The following IL1RAP variants were observed in gnomAD, a reference collection of about 807,000 sequenced individuals.
IL1RAP encodes interleukin-1 receptor accessory protein.
IL1RAP carries 35 observed loss-of-function variants against 60.7 expected under a neutral mutation model. That is an observed-to-expected ratio of 0.58 (90% CI 0.44 to 0.76). IL1RAP has a LOEUF of 0.76. Among genes scored for constraint, IL1RAP ranks in the 30% least tolerant of loss-of-function variants. The probability of loss-of-function intolerance (pLI) is 0.00; values close to 1 mark genes in which losing one functional copy is unlikely to be tolerated. For missense variants in IL1RAP, 572 were observed against 693.9 expected (o/e 0.82, Z 1.97); for synonymous variants, 268 against 250.9 (o/e 1.07, Z -0.64).
chr3:190,626,366 G>T (rs1420388627), intron 7 of IL1RAP, among the ~76,000 whole-genome samples: 2 of 152,138 alleles, frequency 1.3e-5, no homozygotes, highest in Non-Finnish European at 2.9e-5. Flanking sequence ...TGCTACTGCT[G>T]CTGTTACTAC....
chr3:190,628,869 T>A (rs1024941), intron 8 of IL1RAP, among the ~76,000 whole-genome samples: 136,793 of 152,084 alleles, frequency 0.9, 61,727 homozygotes, highest in East Asian at 1. Flanking sequence ...AATTCCTGAA[T>A]AAATTAATGC....
At chr3:190,621,767 A>G (rs1490239650) in intron 6 of IL1RAP, among the ~76,000 whole-genome samples, 2 of 152,212 alleles carry the variant, frequency 1.3e-5, no homozygotes, top group Non-Finnish European at 2.9e-5. Context: ...TTTTAGAGTT[A>G]TGAAAAATTA....
intron 1 of IL1RAP, chr3:190,554,627 A>C (rs1725239892): frequency 6.6e-6 from 1 of 152,152 alleles, no homozygotes; most frequent in African/African-American, 2.4e-5. Flanking sequence ...TTTTTTGGCC[A>C]TGCAGTCCTT....
chr3:190,648,480 C>T lies in IL1RAP; in HGVS notation c.1488C>T (p.Ile496=). Residue 496 remains isoleucine, a synonymous_variant, in exon 12 of 12, where the codon ATC becomes ATT. Transcript: ENST00000447382. The part of the protein sequence containing the change: ...GLENMASRGN[I]NVILVQYKAV... Reference sequence around the variant, plus strand: ...AAAATATGGCCTCTCGGGGCAACATCAACGTCATTTTAGTACAGTACAAAG... The same window carrying T: ...AAAATATGGCCTCTCGGGGCAACATTAACGTCATTTTAGTACAGTACAAAG... 2 of 1,614,062 alleles carry T rather than the reference C, an allele frequency of 1.2e-6. No individual in the cohort carries two copies. The highest frequency in any genetic ancestry group is 4.5e-5 in the East Asian group (2 of 44,856).
chr3:190,647,352 T>G (rs1372610950), intron 11 of IL1RAP, among the ~76,000 whole-genome samples: 1 of 152,182 alleles, frequency 6.6e-6, no homozygotes, highest in Non-Finnish European at 1.5e-5. Flanking sequence ...GATATAAGTT[T>G]CCACAATTCT....
chr3:190,608,552 G>A (rs1730549695), intron 4 of IL1RAP, among the ~76,000 whole-genome samples: 1 of 152,072 alleles, frequency 6.6e-6, no homozygotes, highest in Admixed American at 6.6e-5. Context: ...CGGTGCATAG[G>A]TTTGTTTATA....
At chr3:190,629,078 C>T (rs1374082205) in intron 8 of IL1RAP, among the ~76,000 whole-genome samples, 1 of 152,122 alleles carries the variant, frequency 6.6e-6, no homozygotes, top group African/African-American at 2.4e-5. Context: ...GCAAAAGAGA[C>T]ATTTTGTTTT....
At chr3:190,654,991 A>C (rs1207613707), downstream of IL1RAP, among the ~76,000 whole-genome samples, 2 of 152,042 alleles carry the variant, frequency 1.3e-5, no homozygotes, top group Non-Finnish European at 2.9e-5. Context: ...ACCCATTTTC[A>C]TTGTTTTTGC....
At chr3:190,652,377 G>A (rs574376812), downstream of IL1RAP, among the ~76,000 whole-genome samples, 4 of 151,768 alleles carry the variant, frequency 2.6e-5, no homozygotes, top group African/African-American at 4.8e-5. Context: ...CAGGGGAATC[G>A]CTTGAACCCG....
chr3:190,621,588 C>T (rs1731786296), intron 6 of IL1RAP, among the ~76,000 whole-genome samples: 1 of 152,186 alleles, frequency 6.6e-6, no homozygotes, highest in East Asian at 1.9e-4. Flanking sequence ...AATTCACAGA[C>T]AGATCTGGGC....
exon 12 of IL1RAP, chr3:190,659,320 A>G (rs183959367): frequency 7.2e-5 from 11 of 152,342 alleles, no homozygotes; most frequent in African/African-American, 2.6e-4. Context: ...TTTGGCAAGT[A>G]TCAATTTCCT....
intron 5 of IL1RAP, chr3:190,615,280 TAC>T (rs753107768): frequency 1.6e-6 from 2 of 1,255,630 alleles, no homozygotes; most frequent in South Asian, 2.5e-5. Flanking sequence ...TTCTGAAATA[TAC>T]CATGTGTATA....
At chr3:190,599,274 C>A (rs1729647579) in intron 3 of IL1RAP, among the ~76,000 whole-genome samples, 1 of 152,110 alleles carries the variant, frequency 6.6e-6, no homozygotes, top group Admixed American at 6.6e-5. Flanking sequence ...TGGCACACAT[C>A]CCCCGAAGCT....
intron 1 of IL1RAP, among the ~76,000 whole-genome samples, chr3:190,527,243 G>A (rs1392560549): frequency 3.3e-5 from 5 of 152,302 alleles, no homozygotes; most frequent in East Asian, 1.9e-4. Context: ...TGTGCCTCTT[G>A]TGTACCAGGA....
At chr3:190,601,865 ATT>A (rs1729890314) in intron 3 of IL1RAP, among the ~76,000 whole-genome samples, 1 of 152,140 alleles carries the variant, frequency 6.6e-6, no homozygotes, top group Non-Finnish European at 1.5e-5. Context: ...TCTCTTATTT[ATT>A]AATATGCTTT....
At chr3:190,562,967 C>A (rs572237343) in intron 2 of IL1RAP, among the ~76,000 whole-genome samples, 2 of 152,038 alleles carry the variant, frequency 1.3e-5, no homozygotes, top group African/African-American at 4.8e-5. Context: ...TTGTGTACAA[C>A]CAGGCTAAAA....
In IL1RAP at chr3:190,648,466, T is replaced by A. The variant is rs775686831; in HGVS notation, c.1474T>A (p.Ser492Thr). ...ELKAGLENMA[S>T]RGNINVILVQ... Reference sequence around the variant, plus strand: ...CAAGGCTGGCCTAGAAAATATGGCCTCTCGGGGCAACATCAACGTCATTTT... The same window carrying A: ...CAAGGCTGGCCTAGAAAATATGGCCACTCGGGGCAACATCAACGTCATTTT... The change falls in exon 12 of 12, where the codon TCT (serine) becomes ACT (threonine). Residue 492 changes from serine (S) to threonine (T), a missense_variant. Coordinates refer to ENST00000447382, the MANE Select transcript of IL1RAP (RefSeq NM_002182.4). 11 of 1,614,028 alleles carry A rather than the reference T, an allele frequency of 6.8e-6. No homozygotes were observed. Among genetic ancestry groups the A allele is most frequent in the Non-Finnish European group, 9.3e-6 (11 of 1,180,014 alleles).
chr3:190,601,900 C>T (rs1284807682), intron 3 of IL1RAP, among the ~76,000 whole-genome samples: 2 of 152,102 alleles, frequency 1.3e-5, no homozygotes, highest in Non-Finnish European at 2.9e-5. Context: ...CTCATAGTGA[C>T]AACAGAGTTC....
At chr3:190,568,754 AC>A (rs1040815480) in intron 3 of IL1RAP, among the ~76,000 whole-genome samples, 17 of 152,248 alleles carry the variant, frequency 1.1e-4, no homozygotes, top group African/African-American at 3.9e-4. Context: ...ATGAAGGAAC[AC>A]TATGCATCAT....
Sources: gnomAD v4.1 joint callset for allele counts (sites outside exome capture counted in the v4.1 genomes callset) on GRCh38, gnomAD v4.1.1 for gene constraint, MANE v1.5 for transcripts, NCBI Gene and HGNC (gene_info 2026-07-23, HGNC 2026-07-21) for gene names.